The following KLC2 variants were observed in gnomAD, a reference collection of about 807,000 sequenced individuals.
The protein encoded by KLC2 is KLC 2.
Under a neutral mutation model 75.1 loss-of-function variants are expected in KLC2, and 35 were observed. The observed-to-expected ratio is 0.47, with a 90% confidence interval of 0.36 to 0.62. The LOEUF is 0.62. KLC2 is among the 20% of genes least tolerant of loss of function. KLC2 has a pLI of 0.00. For missense variants in KLC2, 611 were observed against 833.2 expected (o/e 0.73, Z 3.28); for synonymous variants, 314 against 336.7 (o/e 0.93, Z 0.74).
Position 66,258,718 on chromosome 11 carries a change from C to T in KLC2, c.124C>T (p.Leu42=), listed in dbSNP as rs1271559409. 1.2e-6 allele frequency: 2 copies of T among 1,613,614 alleles called. No individual in the cohort carries two copies. Among genetic ancestry groups the T allele is most frequent in the Non-Finnish European group, 1.7e-6 (2 of 1,180,022 alleles). The change falls in exon 2 of 16, where the codon CTG becomes TTG. Residue 42 remains leucine (L), a synonymous_variant. Coordinates refer to ENST00000394067, the MANE Select transcript of KLC2 (RefSeq NM_001318734.2). ...GGAGCATCGTGCCCTGCTGGCTCCT[C>T]TGGTTGCACCTGAGGCCGGCGAAGC... ...RGEHRALLAP[L]VAPEAGEAEP... is the part of the protein sequence containing the mutation.
rs960412402 is a variant in KLC2 at position 66,258,526 on chromosome 11, C to T, written c.-11-58C>T. 4 of 1,181,662 alleles carry T rather than the reference C, an allele frequency of 3.4e-6. No homozygotes were observed. In the Admixed American group the frequency reaches 5.6e-5, roughly 17 times the overall value. 73.2% of individuals were successfully genotyped at this position (1,181,662 alleles called of 1,614,324 possible). Reference sequence around the variant, plus strand: ...GACCGCCTGTTTACCTAATCCGGGGCGGACGGCGGTGTGGCCCCAGGCCCG... The same window carrying T: ...GACCGCCTGTTTACCTAATCCGGGGTGGACGGCGGTGTGGCCCCAGGCCCG... On this transcript the variant is annotated intron_variant, in intron 1 of 15. Coordinates refer to ENST00000394067, the MANE Select transcript of KLC2 (RefSeq NM_001318734.2).
At chr11:66,248,483 G>T in the KLC2 span, among the ~76,000 whole-genome samples, 1 of 152,064 alleles carries the variant, frequency 6.6e-6, no homozygotes, top group East Asian at 1.9e-4. Flanking sequence ...AGCCAGGCGT[G>T]GTGGGCACCT....
Position 66,263,697 on chromosome 11 carries a change from A to G in KLC2, c.790A>G (p.Asn264Asp). 6.2e-7 allele frequency: 1 copy of G among 1,614,068 alleles called. No individual in the cohort carries two copies. The highest frequency in any genetic ancestry group is 8.5e-7 in the Non-Finnish European group (1 of 1,179,954). The change falls in exon 6 of 16, where the codon AAT becomes GAT. Residue 264 changes from asparagine (N) to aspartate (D), a missense_variant. Physicochemically the swap from Asn to Asp is conservative, Grantham distance 23. Coordinates refer to ENST00000394067, the MANE Select transcript of KLC2 (RefSeq NM_001318734.2). The stretch of plus-strand genomic sequence containing the variant: ...GTACAAGGAGGCTGCCCACCTGCTC[A>G]ATGATGCTCTGGCCATCCGGGAGAA... ...NKYKEAAHLL[N>D]DALAIREKTL...
the KLC2 span, among the ~76,000 whole-genome samples, chr11:66,251,460 C>T: frequency 6.6e-5 from 9 of 135,554 alleles, 3 homozygotes; most frequent in Non-Finnish European, 1.2e-4. Context: ...CCACTGCACT[C>T]CAGCCTGGGC....
chr11:66,267,253 G>A lies in KLC2; in HGVS notation c.*297G>A. ...TAGACTCAGTGGCCTGGCCTCCCCAGACCCCAGAGCCAAGAACACTAAGCA... is the reference window on the plus strand; with the variant it reads ...TAGACTCAGTGGCCTGGCCTCCCCAAACCCCAGAGCCAAGAACACTAAGCA... On this transcript the variant is annotated 3_prime_UTR_variant, in exon 16 of 16. Coordinates refer to ENST00000394067, the MANE Select transcript of KLC2 (RefSeq NM_001318734.2). 7.1e-7 allele frequency: 1 copy of A among 1,409,482 alleles called. No individual in the cohort carries two copies. The highest frequency in any genetic ancestry group is 1.2e-5 in the South Asian group (1 of 81,310). The allele number at this position is 1,409,482 out of a possible 1,614,324, so 87.3% of individuals were successfully genotyped here.
the KLC2 span, among the ~76,000 whole-genome samples, chr11:66,245,402 G>A: frequency 2.6e-5 from 4 of 152,072 alleles, no homozygotes; most frequent in East Asian, 1.9e-4. Flanking sequence ...GCAATGTGGC[G>A]AAACCCCGTC....
At chr11:66,250,767 A>G in the KLC2 span, among the ~76,000 whole-genome samples, 1 of 152,234 alleles carries the variant, frequency 6.6e-6, no homozygotes, top group African/African-American at 2.4e-5. Flanking sequence ...GATAAGGGAG[A>G]TAAGAGAGAT....
intron 9 of KLC2, 156 bp from the exon 10 acceptor site, chr11:66,264,867 C>A: frequency 1.5e-6 from 1 of 658,440 alleles, no homozygotes; most frequent in Non-Finnish European, 2.7e-6. Flanking sequence ...TCATCTCTGT[C>A]CAGAAGAGGG....
Position 66,267,002 on chromosome 11 carries a change from C to G in KLC2, c.*46C>G. The G allele has an allele frequency of 6.2e-7, 1 of 1,605,718 alleles. No homozygotes were observed. Among genetic ancestry groups the G allele is most frequent in the African/African-American group, 1.3e-5 (1 of 74,976 alleles). ...ACCAGAGCGCCCACCTGGCACACCC[C>G]CCTCACCCCAGCCCTGCGCATGGGC... On this transcript the variant is annotated 3_prime_UTR_variant, in exon 16 of 16. Coordinates refer to ENST00000394067, the MANE Select transcript of KLC2 (RefSeq NM_001318734.2).
chr11:66,258,747 G>T lies in KLC2; in HGVS notation c.153G>T (p.Glu51Asp), dbSNP rs781023952. 52 of 1,613,502 alleles carry T rather than the reference G, an allele frequency of 3.2e-5. No homozygotes were observed. Among genetic ancestry groups the T allele is most frequent in the Non-Finnish European group, 4.4e-5 (52 of 1,180,030 alleles). The change falls in exon 2 of 16, where the codon GAG becomes GAT. Residue 51 changes from glutamate (E) to aspartate (D), a missense_variant. Transcript: ENST00000394067. The part of the protein sequence containing the change: ...PLVAPEAGEA[E>D]PGSQERCILL... ...TTGCACCTGAGGCCGGCGAAGCCGA[G>T]CCTGGCTCGCAGGAGCGCTGCATCC...
chr11:66,264,810 T>A (rs1397920358), intron 9 of KLC2: 1 of 595,998 alleles, frequency 1.7e-6, no homozygotes, highest in Non-Finnish European at 3.0e-6. Context: ...CATTCAGGCC[T>A]AGCACATGTC....
At chr11:66,263,527 G>A (rs1856585159) in intron 5 of KLC2, 133 bp from the exon 6 acceptor site, 1 of 645,144 alleles carries the variant, frequency 1.6e-6, no homozygotes, top group African/African-American at 1.8e-5. Context: ...GAGCTGAGCA[G>A]GTCTCCCCAC....
At chr11:66,255,225 G>A (rs565373813), upstream of KLC2, among the ~76,000 whole-genome samples, 158 of 152,270 alleles carry the variant, frequency 1.0e-3, no homozygotes, top group South Asian at 1.2e-3. Context: ...TGGCTTTGCC[G>A]CCCAGGCTGG....
chr11:66,266,376 C>T, intron 14 of KLC2, 57 bp from the exon 15 acceptor site: 3 of 1,506,012 alleles, frequency 2.0e-6, no homozygotes, highest in Non-Finnish European at 2.7e-6. Context: ...CTTCTCCCTG[C>T]CCCCATCTCC....
chr11:66,248,604 GA>G, the KLC2 span, among the ~76,000 whole-genome samples: 2 of 152,178 alleles, frequency 1.3e-5, no homozygotes, highest in African/African-American at 4.8e-5. Flanking sequence ...GCGACAGAGT[GA>G]GACTCTTTCT....
In KLC2 at chr11:66,261,855, G is replaced by A. The variant is rs746290272; in HGVS notation, c.342G>A (p.Ala114=). The A allele has an allele frequency of 1.9e-5, 30 of 1,613,880 alleles. No homozygotes were observed. The highest frequency in any genetic ancestry group is 1.7e-4 in the Middle Eastern group (1 of 5,968). The change falls in exon 3 of 16, where the codon GCG becomes GCA. Residue 114 remains alanine, a synonymous_variant. Transcript: ENST00000394067. ...QENQWLREEL[A]GTQQKLQRSE... ...ACCAGTGGCTGCGTGAGGAGCTGGCGGGGACACAGCAGAAGCTGCAGCGCA... is the reference window on the plus strand; with the variant it reads ...ACCAGTGGCTGCGTGAGGAGCTGGCAGGGACACAGCAGAAGCTGCAGCGCA...
the KLC2 span, among the ~76,000 whole-genome samples, chr11:66,251,125 G>A: frequency 1.1e-4 from 16 of 152,320 alleles, no homozygotes; most frequent in Middle Eastern, 6.8e-3. Context: ...AAGGTGGAAG[G>A]GTTAGAGGGA....
chr11:66,245,610 G>A, the KLC2 span, among the ~76,000 whole-genome samples: 5 of 152,178 alleles, frequency 3.3e-5, no homozygotes, highest in African/African-American at 4.8e-5. Context: ...CAGCTACTCA[G>A]GAGGCTGAGG....
chr11:66,246,849 G>A, the KLC2 span, among the ~76,000 whole-genome samples: 7 of 152,044 alleles, frequency 4.6e-5, no homozygotes, highest in Admixed American at 3.9e-4. Context: ...TTTCCACCTG[G>A]CCTGTGGACA....
Sources: gnomAD v4.1 joint callset for allele counts (sites outside exome capture counted in the v4.1 genomes callset) on GRCh38, gnomAD v4.1.1 for gene constraint, MANE v1.5 for transcripts, NCBI Gene and HGNC (gene_info 2026-07-23, HGNC 2026-07-21) for gene names.